SYT9: variants seen among roughly 807,000 people sequenced by gnomAD.
SYT9 encodes synaptotagmin-9.
In SYT9, 22 loss-of-function variants were observed where a neutral mutation model predicts 48.4. That is an observed-to-expected ratio of 0.45 (90% confidence interval 0.32 to 0.65). The LOEUF is 0.65. SYT9 is among the 30% of genes least tolerant of loss of function. SYT9 has a pLI of 0.03. For synonymous variants in SYT9, 265 were observed against 245.0 expected, an observed-to-expected ratio of 1.08 and a Z score of -0.76; for missense variants, 577 against 622.0, an observed-to-expected ratio of 0.93 and a Z score of 0.77.
chr11:7,463,579 G>C (rs1848271642), intron 6 of SYT9, among the ~76,000 whole-genome samples: 1 of 152,156 alleles, frequency 6.6e-6, no homozygotes, highest in Admixed American at 6.5e-5. Flanking sequence ...ACTTTCCCTA[G>C]AATAAGTTTG....
chr11:7,356,518 AAGG>A (rs540861209), intron 3 of SYT9, among the ~76,000 whole-genome samples: 101 of 152,242 alleles, frequency 6.6e-4, no homozygotes, highest in Non-Finnish European at 1.2e-3. Flanking sequence ...GGGAGGGAAG[AAGG>A]AGGAGAAGAC....
rs1475229940 is a variant in SYT9 at position 7,278,973 on chromosome 11, C to A, written c.146-24066C>A. On this transcript the variant is annotated intron_variant, in intron 1 of 6. Coordinates refer to ENST00000318881, the MANE Select transcript of SYT9 (RefSeq NM_175733.4). ...GTTTTGGAAACATCTAGAGAATAGT[C>A]AAAAATGTATGTTAATTTATGTTTG... Among the ~76,000 whole-genome samples the A allele has an allele frequency of 2.0e-5, 3 of 152,134 alleles. No homozygotes were observed. In the East Asian group the frequency reaches 5.8e-4, roughly 29 times the overall value.
chr11:7,311,583 T>C (rs1013728209), intron 2 of SYT9, among the ~76,000 whole-genome samples: 1 of 152,180 alleles, frequency 6.6e-6, no homozygotes, highest in African/African-American at 2.4e-5. Context: ...CCAGTGGATA[T>C]TGAGGATGCA....
intron 6 of SYT9, among the ~76,000 whole-genome samples, chr11:7,445,692 C>T (rs559008757): frequency 6.6e-6 from 1 of 152,300 alleles, no homozygotes; most frequent in East Asian, 1.9e-4. Context: ...CCACACAAAG[C>T]AGCATCTGGG....
chr11:7,277,372 G>A (rs925695011), intron 1 of SYT9, among the ~76,000 whole-genome samples: 2 of 152,190 alleles, frequency 1.3e-5, no homozygotes. Context: ...TATGTGCTGT[G>A]TGTTACTGAA....
chr11:7,334,426 A>G (rs1428981807), intron 3 of SYT9, among the ~76,000 whole-genome samples: 1 of 152,188 alleles, frequency 6.6e-6, no homozygotes, highest in Non-Finnish European at 1.5e-5. Flanking sequence ...AGACATGGAG[A>G]AAAGTAGCAG....
chr11:7,276,710 C>T (rs1306190991), intron 1 of SYT9, among the ~76,000 whole-genome samples: 2 of 152,146 alleles, frequency 1.3e-5, no homozygotes, highest in African/African-American at 4.8e-5. Context: ...CCTAAACTCC[C>T]TGTGCTCTTT....
chr11:7,290,391 A>T (rs1448730752), intron 1 of SYT9, among the ~76,000 whole-genome samples: 1 of 152,212 alleles, frequency 6.6e-6, no homozygotes, highest in African/African-American at 2.4e-5. Flanking sequence ...CAGCAGCTCA[A>T]TACAACATGT....
intron 3 of SYT9, among the ~76,000 whole-genome samples, chr11:7,367,271 T>A (rs7479862): frequency 0.021 from 3,087 of 150,456 alleles, 93 homozygotes; most frequent in African/African-American, 0.067. Context: ...TTTTTGGTAT[T>A]TTTAGTAGAG....
chr11:7,239,259 G>C (rs1010493924), intron 1 of SYT9, among the ~76,000 whole-genome samples: 6 of 152,154 alleles, frequency 3.9e-5, no homozygotes, highest in African/African-American at 1.4e-4. Flanking sequence ...GGGGACTGCA[G>C]GGGTGAACCG....
intron 6 of SYT9, among the ~76,000 whole-genome samples, chr11:7,443,142 G>A (rs569488397): frequency 6.6e-6 from 1 of 152,296 alleles, no homozygotes; most frequent in African/African-American, 2.4e-5. Context: ...TGCCTAACAT[G>A]TTCACCTGAA....
chr11:7,344,526 A>G (rs1849767182), intron 3 of SYT9, among the ~76,000 whole-genome samples: 1 of 152,058 alleles, frequency 6.6e-6, no homozygotes. Flanking sequence ...AAGTTCTATC[A>G]TTTTAGCTCT....
chr11:7,396,328 ATGTATGATG>A (rs923699301), intron 3 of SYT9, among the ~76,000 whole-genome samples: 14 of 152,212 alleles, frequency 9.2e-5, no homozygotes, highest in African/African-American at 3.4e-4. Flanking sequence ...GATACGAGTG[ATGTATGATG>A]TGTATGATGT....
intron 1 of SYT9, among the ~76,000 whole-genome samples, chr11:7,278,104 C>T (rs895102864): frequency 5.3e-5 from 8 of 152,246 alleles, no homozygotes; most frequent in African/African-American, 1.7e-4. Flanking sequence ...TGTAAGGACC[C>T]AGAAATTTCT....
At position 7,313,403 on chromosome 11, in the gene SYT9, C is replaced by G; in HGVS notation, c.506C>G (p.Ser169Ter). The G allele has an allele frequency of 6.2e-7, 1 of 1,608,774 alleles. No homozygotes were observed. Among genetic ancestry groups the G allele is most frequent in the Non-Finnish European group, 8.5e-7 (1 of 1,177,932 alleles). ...GTTGCTCTTCATTCAAGGCATAATT[C>G]AATCCGAAGACAACTCAACTTGTCA... is the stretch of plus-strand genomic sequence containing the variant. ...TEPTSSARHN[S>*]IRRQLNLSNP... The change falls in exon 3 of 7, where the codon TCA becomes TGA. Residue 169 changes from serine (S) to a stop codon, truncating the protein, a stop_gained. Transcript: ENST00000318881. LOFTEE classifies it high-confidence loss of function.
upstream of SYT9, among the ~76,000 whole-genome samples, chr11:7,248,536 C>A (rs1847821739): frequency 6.6e-6 from 1 of 152,104 alleles, no homozygotes; most frequent in South Asian, 2.1e-4. Flanking sequence ...CAGTTTCATT[C>A]TCCTACATGT....
At position 7,314,121 on chromosome 11, in the gene SYT9, G is replaced by A. The variant is rs1413483448; in HGVS notation, c.1044+180G>A. 5 of 748,828 alleles carry A rather than the reference G, an allele frequency of 6.7e-6. No homozygotes were observed. The African/African-American group carries it at 8.7e-5, about 13-fold the overall frequency. 46.4% of individuals were successfully genotyped at this position (748,828 alleles called of 1,614,324 possible). A position where few individuals can be genotyped will look rare whatever the true frequency, so the allele number is the denominator to read the frequency against. On this transcript the variant is annotated intron_variant, in intron 3 of 6. Transcript: ENST00000318881. ...GGGTTTTAACAATATTGATTTTGAA[G>A]TTTCCAAGCATTATTCCATGAAAAC...
At chr11:7,365,622 G>A (rs1038711452) in intron 3 of SYT9, among the ~76,000 whole-genome samples, 4 of 152,138 alleles carry the variant, frequency 2.6e-5, no homozygotes, top group African/African-American at 9.7e-5. Context: ...ATAAATGAAT[G>A]AATTAGCGAA....
intron 2 of SYT9, among the ~76,000 whole-genome samples, chr11:7,309,985 C>T (rs1237747808): frequency 6.6e-6 from 1 of 152,182 alleles, no homozygotes; most frequent in African/African-American, 2.4e-5. Context: ...TAAGCCACTA[C>T]CTTACAGTTA....
Sources: gnomAD v4.1 joint callset for allele counts (sites outside exome capture counted in the v4.1 genomes callset) on GRCh38, gnomAD v4.1.1 for gene constraint, MANE v1.5 for transcripts, NCBI Gene and HGNC (gene_info 2026-07-23, HGNC 2026-07-21) for gene names.